AUNIP: variants seen among roughly 807,000 people sequenced by gnomAD.
The protein encoded by AUNIP is aurora kinase A and ninein interacting protein.
AUNIP carries 16 observed loss-of-function variants against 12.2 expected under a neutral mutation model. That is an observed-to-expected ratio of 1.31 (90% CI 0.88 to 1.99). AUNIP has a LOEUF of 1.99. Among genes scored for constraint, AUNIP ranks in the 30% most tolerant of loss-of-function variants. The pLI is 0.00. For missense variants in AUNIP, 411 were observed against 419.1 expected, an observed-to-expected ratio of 0.98 and a Z score of 0.17; for synonymous variants, 142 against 154.8, an observed-to-expected ratio of 0.92 and a Z score of 0.61.
intron 1 of AUNIP, among the ~76,000 whole-genome samples, chr1:25,852,903 T>C (rs1557455952): frequency 1.3e-5 from 2 of 152,262 alleles, no homozygotes; most frequent in Admixed American, 6.5e-5. Flanking sequence ...CTTGGTTATT[T>C]AGAAATGTGC....
At chr1:25,846,686 C>T (rs140162326) in intron 1 of AUNIP, among the ~76,000 whole-genome samples, 2 of 152,328 alleles carry the variant, frequency 1.3e-5, no homozygotes, top group East Asian at 3.9e-4. Context: ...CCACTGCACT[C>T]CAGCCTGGGC....
At position 25,843,185 on chromosome 1, in the gene AUNIP, A is replaced by AAAATATAT. The variant is rs1553123796; in HGVS notation, c.79-5632_79-5631insATATATTT. Among the ~76,000 whole-genome samples the AAAATATAT allele has an allele frequency of 4.6e-3, 578 of 124,916 alleles. 5 individuals are homozygous for AAAATATAT. Among genetic ancestry groups the AAAATATAT allele is most frequent in the African/African-American group, 0.016 (532 of 33,554 alleles). The allele number at this position is 124,916 out of a possible 152,430, so 81.9% of individuals were successfully genotyped here. A position where few individuals can be genotyped will look rare whatever the true frequency, so the allele number is the denominator to read the frequency against. ...GAGACCCCATCTCAAAAAAAAAAAA[A>AAAATATAT]ATATATATATATATATATTTTACTG... is the stretch of plus-strand genomic sequence containing the variant. On this transcript the variant is annotated intron_variant, in intron 1 of 2. Transcript: ENST00000374298.
At chr1:25,859,218 C>T (rs902649409) in intron 1 of AUNIP, 62 bp downstream of exon 1, 13 of 1,524,612 alleles carry the variant, frequency 8.5e-6, no homozygotes, top group Non-Finnish European at 1.1e-5. Flanking sequence ...CCAAACTCCT[C>T]CCGTCTTACG....
chr1:25,851,199 T>G (rs2048421922), intron 1 of AUNIP, among the ~76,000 whole-genome samples: 1 of 152,242 alleles, frequency 6.6e-6, no homozygotes, highest in Admixed American at 6.5e-5. Context: ...AAACCAACCT[T>G]GCATTCCTAA....
chr1:25,832,913 A>G (rs1274430875), downstream of AUNIP: 1 of 152,428 alleles, frequency 6.6e-6, no homozygotes, highest in Admixed American at 6.5e-5. Flanking sequence ...ACTACCTGAC[A>G]TTAAAGGAAG....
At chr1:25,849,060 T>C (rs947831495) in intron 1 of AUNIP, among the ~76,000 whole-genome samples, 1 of 152,192 alleles carries the variant, frequency 6.6e-6, no homozygotes, top group Non-Finnish European at 1.5e-5. Context: ...AAACTTGAAG[T>C]TGCTGTCAAA....
chr1:25,836,700 T>C (rs1426650512), intron 2 of AUNIP, among the ~76,000 whole-genome samples: 1 of 152,242 alleles, frequency 6.6e-6, no homozygotes, highest in Non-Finnish European at 1.5e-5. Context: ...CACCAGAATT[T>C]GTAAGTGGAA....
chr1:25,832,329 A>C (rs951292676), downstream of AUNIP: 1 of 706,004 alleles, frequency 1.4e-6, no homozygotes, highest in Non-Finnish European at 2.3e-6. Flanking sequence ...CCTGTGTGAA[A>C]ATAGGTCCTA....
chr1:25,839,851 G>C (rs1008454985), intron 1 of AUNIP, among the ~76,000 whole-genome samples: 1 of 152,146 alleles, frequency 6.6e-6, no homozygotes, highest in Admixed American at 6.5e-5. Context: ...ATTTTTAGTA[G>C]AGATGAGGTT....
Position 25,834,912 on chromosome 1 carries a change from T to G in AUNIP, c.*81A>C. The G allele has an allele frequency of 2.6e-6, 4 of 1,529,080 alleles. No homozygotes were observed. Among genetic ancestry groups the G allele is most frequent in the Non-Finnish European group, 8.7e-7 (1 of 1,143,488 alleles). The allele number at this position is 1,529,080 out of a possible 1,614,324, so 94.7% of individuals were successfully genotyped here. On this transcript the variant is annotated 3_prime_UTR_variant, in exon 3 of 3. Coordinates refer to ENST00000374298, the MANE Select transcript of AUNIP (RefSeq NM_024037.3). ...ATGCCACCTTCCCACCTAAACAAAC[T>G]CACTCCTCTCTCCACCCACAACTAT...
At chr1:25,849,686 T>C (rs1292801280) in intron 1 of AUNIP, among the ~76,000 whole-genome samples, 2 of 152,204 alleles carry the variant, frequency 1.3e-5, no homozygotes, top group African/African-American at 2.4e-5. Flanking sequence ...TAGGCTGGAG[T>C]GCAGCTACGC....
At chr1:25,832,433 G>A, downstream of AUNIP, 1 of 472,840 alleles carries the variant, frequency 2.1e-6, no homozygotes, top group South Asian at 2.3e-5. Context: ...TTGCAGCAGA[G>A]CAGGGCTGAG....
At chr1:25,848,768 T>G (rs952829146) in intron 1 of AUNIP, among the ~76,000 whole-genome samples, 1 of 152,210 alleles carries the variant, frequency 6.6e-6, no homozygotes, top group Non-Finnish European at 1.5e-5. Context: ...AAAACAACTC[T>G]GGATATCAAG....
intron 2 of AUNIP, among the ~76,000 whole-genome samples, chr1:25,837,131 G>C (rs1424493862): frequency 2.0e-5 from 3 of 152,182 alleles, no homozygotes; most frequent in Non-Finnish European, 4.4e-5. Context: ...ACTCCCCAGT[G>C]CACCTCCAAC....
chr1:25,846,456 G>A (rs2048384332), intron 1 of AUNIP, among the ~76,000 whole-genome samples: 1 of 148,610 alleles, frequency 6.7e-6, no homozygotes, highest in Non-Finnish European at 1.5e-5. Flanking sequence ...AGGTGTGGTG[G>A]CTCACACCTG....
In AUNIP at chr1:25,835,843, T is replaced by C; in HGVS notation, c.224A>G (p.Lys75Arg). Residue 75 changes from lysine (K) to arginine (R), a missense_variant, in exon 3 of 3, where the codon AAG becomes AGG. Coordinates refer to ENST00000374298, the MANE Select transcript of AUNIP (RefSeq NM_024037.3). ...ACTCTTCTGGTCACTGCCATTTGTC[T>C]TTCCTAATAAAACAGGAATGAACAA... Reference protein sequence around the residue: ...IASFFTLQPGKTNGSDQKSVS... With the variant: ...IASFFTLQPGRTNGSDQKSVS... 6.2e-7 allele frequency: 1 copy of C among 1,612,032 alleles called. No homozygotes were observed. Among genetic ancestry groups the C allele is most frequent in the Admixed American group, 1.7e-5 (1 of 59,910 alleles).
chr1:25,856,190 C>A (rs2048458857), intron 1 of AUNIP, among the ~76,000 whole-genome samples: 7 of 151,724 alleles, frequency 4.6e-5, no homozygotes. Context: ...CATGGTGAAA[C>A]CCTGTCTCTA....
intron 1 of AUNIP, among the ~76,000 whole-genome samples, chr1:25,854,953 CTTT>C (rs1159770557): frequency 2.5e-5 from 3 of 121,120 alleles, no homozygotes; most frequent in African/African-American, 3.4e-5. Flanking sequence ...AGAATTCTTT[CTTT>C]TTTTTTTTTT....
In AUNIP at chr1:25,839,576, T is replaced by C. The variant is rs560994823; in HGVS notation, c.79-2022A>G. Reference sequence around the variant, plus strand: ...AAACTAGCCCTAGAGCAAAAACTATTCCAAACACTTGCCTTAACAAAGCTT... The same window carrying C: ...AAACTAGCCCTAGAGCAAAAACTATCCCAAACACTTGCCTTAACAAAGCTT... On this transcript the variant is annotated intron_variant, in intron 1 of 2. Coordinates refer to ENST00000374298, the MANE Select transcript of AUNIP (RefSeq NM_024037.3). Among the ~76,000 whole-genome samples, 3 of 152,244 alleles carry C rather than the reference T, an allele frequency of 2.0e-5. No individual in the cohort carries two copies. In the South Asian group the frequency reaches 6.2e-4, roughly 32 times the overall value.
Sources: allele counts gnomAD v4.1 joint callset (sites outside exome capture counted in the v4.1 genomes callset), GRCh38; gene constraint gnomAD v4.1.1; transcripts MANE v1.5; gene names NCBI Gene and HGNC (gene_info 2026-07-23, HGNC 2026-07-21).